Variants in ERG observed in about 807,000 individuals in gnomAD.
ERG encodes the protein ETS transcription factor ERG, also known as transcriptional regulator ERG.
A neutral mutation model predicts 55.3 loss-of-function variants in ERG; 9 were observed. The observed-to-expected ratio is 0.16, with a 90% CI of 0.10 to 0.28. ERG has a LOEUF of 0.28. ERG is among the 10% of genes least tolerant of loss of function. The pLI is 1.00. For synonymous variants in ERG, 223 were observed against 237.3 expected (o/e 0.94, Z 0.55); for missense variants, 434 against 631.6 (o/e 0.69, Z 3.35).
intron 1 of ERG, among the ~76,000 whole-genome samples, chr21:38,659,070 A>G (rs566444784): frequency 6.6e-6 from 1 of 152,362 alleles, no homozygotes; most frequent in Admixed American, 6.5e-5. Flanking sequence ...TGGAATTATA[A>G]GTGCTACTGG....
At chr21:38,435,085 C>T (rs1006481259) in intron 2 of ERG, among the ~76,000 whole-genome samples, 36 of 152,258 alleles carry the variant, frequency 2.4e-4, no homozygotes, top group African/African-American at 8.2e-4. Flanking sequence ...GGCAGCTCTA[C>T]CCTAAGAGGG....
intron 1 of ERG, among the ~76,000 whole-genome samples, chr21:38,647,123 G>C (rs1317999786): frequency 1.3e-5 from 2 of 152,120 alleles, no homozygotes; most frequent in African/African-American, 4.8e-5. Flanking sequence ...ATGTTTAATG[G>C]TGCTTGAACA....
chr21:38,550,372 T>A (rs983353240), intron 2 of ERG, among the ~76,000 whole-genome samples: 1 of 152,184 alleles, frequency 6.6e-6, no homozygotes, highest in East Asian at 1.9e-4. Flanking sequence ...GCAATGTGTG[T>A]GTGCCCCCAA....
At chr21:38,521,911 T>C (rs1356251203) in intron 2 of ERG, among the ~76,000 whole-genome samples, 3 of 152,238 alleles carry the variant, frequency 2.0e-5, no homozygotes, top group Non-Finnish European at 2.9e-5. Context: ...TTGCAACTTA[T>C]GGCTTGCACA....
At chr21:38,432,719 T>G (rs1990271107) in intron 2 of ERG, among the ~76,000 whole-genome samples, 1 of 152,198 alleles carries the variant, frequency 6.6e-6, no homozygotes, top group Admixed American at 6.5e-5. Context: ...TTGTTACAGA[T>G]GAAGCACAGA....
intron 2 of ERG, among the ~76,000 whole-genome samples, chr21:38,525,348 C>T (rs550140840): frequency 6.6e-6 from 1 of 152,268 alleles, no homozygotes; most frequent in South Asian, 2.1e-4. Context: ...CATGTTAATG[C>T]CCATGCTCTT....
Position 38,491,094 on chromosome 21 carries a change from G to A in ERG, c.18+7269C>T, listed in dbSNP as rs181455534. Among the ~76,000 whole-genome samples, 379 of 151,926 alleles carry A rather than the reference G, an allele frequency of 2.5e-3. 4 individuals carry two copies. Among genetic ancestry groups the A allele is most frequent in the African/African-American group, 7.8e-3 (324 of 41,444 alleles). ...CTTTTTAACTTGGAGCAATGTCTTG[G>A]GACATCTACCTCAAATTGAGACACA... On this transcript the variant is annotated intron_variant, in intron 1 of 9. Transcript: ENST00000288319.
At chr21:38,520,432 C>T (rs73906316) in intron 2 of ERG, among the ~76,000 whole-genome samples, 20,401 of 152,200 alleles carry the variant, frequency 0.13, 1,467 homozygotes, top group African/African-American at 0.16. Context: ...GGAACAGACA[C>T]AAGCCAGGGC....
intron 1 of ERG, among the ~76,000 whole-genome samples, chr21:38,596,890 T>G (rs1277036676): frequency 6.7e-6 from 1 of 148,980 alleles, no homozygotes; most frequent in Non-Finnish European, 1.5e-5. Context: ...GACTCAGACA[T>G]CACACCACCC....
intron 1 of ERG, among the ~76,000 whole-genome samples, chr21:38,582,064 A>G (rs1449668161): frequency 6.6e-6 from 1 of 150,416 alleles, no homozygotes; most frequent in Non-Finnish European, 1.5e-5. Context: ...AAAAAAAAAA[A>G]AAGGGCAGAG....
rs189129003 is a variant in ERG, at chr21:38,504,580, G to A, written c.-41+71082C>T. Among the ~76,000 whole-genome samples the A allele has an allele frequency of 2.7e-3, 416 of 152,210 alleles. 2 individuals are homozygous for A. Among genetic ancestry groups the A allele is most frequent in the African/African-American group, 8.9e-3 (369 of 41,498 alleles). On this transcript the variant is annotated intron_variant, in intron 2 of 8. Transcript: ENST00000398897. ...TAAATGAGTTTCAACTTCTTTGTCC[G>A]TATAACTGGGTATATCTGAGCATAG... is the stretch of plus-strand genomic sequence containing the variant.
chr21:38,497,935 T>G (rs193197799), intron 1 of ERG, among the ~76,000 whole-genome samples: 1 of 152,192 alleles, frequency 6.6e-6, no homozygotes, highest in African/African-American at 2.4e-5. Flanking sequence ...GCATCCCTGA[T>G]GCTAAGGAGC....
At chr21:38,387,861 A>G (rs1016247405) in intron 9 of ERG, among the ~76,000 whole-genome samples, 2 of 152,220 alleles carry the variant, frequency 1.3e-5, no homozygotes, top group African/African-American at 4.8e-5. Context: ...AGTCCATTGG[A>G]GAAGTGACGA....
the ERG span, among the ~76,000 whole-genome samples, chr21:38,371,338 T>A: frequency 6.6e-6 from 1 of 152,190 alleles, no homozygotes; most frequent in East Asian, 1.9e-4. Context: ...TTTCTATGAA[T>A]AATAATAGAT....
chr21:38,498,435 C>T lies in ERG; in HGVS notation c.-55G>A. 1 of 1,595,440 alleles carries T rather than the reference C, an allele frequency of 6.3e-7. No individual in the cohort carries two copies. The highest frequency in any genetic ancestry group is 1.7e-5 in the Admixed American group (1 of 57,648). ...AATGTTAATAATAATTATTGCTTCT[C>T]TCTGACCAGAAAGTAGTTTTGATGA... On this transcript the variant is annotated 5_prime_UTR_variant, in exon 1 of 10. Coordinates refer to ENST00000288319, the MANE Select transcript of ERG (RefSeq NM_182918.4). This position sits in a 1 kb window ranked among gnomAD's most constrained non-coding sequence, Gnocchi z 4.6.
chr21:38,469,550 A>G (rs2059122133), intron 1 of ERG, among the ~76,000 whole-genome samples: 1 of 146,762 alleles, frequency 6.8e-6, no homozygotes, highest in African/African-American at 2.5e-5. Context: ...TCATTGTATT[A>G]ACTGCTTTGG....
At chr21:38,427,237 G>C (rs1428050323) in intron 2 of ERG, among the ~76,000 whole-genome samples, 1 of 152,078 alleles carries the variant, frequency 6.6e-6, no homozygotes, top group Non-Finnish European at 1.5e-5. Flanking sequence ...ACCACGCCTG[G>C]CTGATTTTTG....
chr21:38,394,797 TA>T (rs978572336), intron 6 of ERG, among the ~76,000 whole-genome samples: 20 of 152,036 alleles, frequency 1.3e-4, no homozygotes, highest in African/African-American at 4.8e-4. Flanking sequence ...AAAGACAAAC[TA>T]AAAAATGGTT....
intron 1 of ERG, among the ~76,000 whole-genome samples, chr21:38,637,301 C>T (rs1040731336): frequency 6.6e-6 from 1 of 152,224 alleles, no homozygotes; most frequent in African/African-American, 2.4e-5. Context: ...AATTGGCAAA[C>T]GGAACCTGAC....
Sources: allele counts gnomAD v4.1 joint callset (sites outside exome capture counted in the v4.1 genomes callset), GRCh38; gene constraint gnomAD v4.1.1; non-coding constraint Gnocchi (gnomAD v3.1); transcripts MANE v1.5; gene names NCBI Gene and HGNC (gene_info 2026-07-23, HGNC 2026-07-21).